Variants in SF3A3 observed in about 807,000 individuals in gnomAD.
The protein encoded by SF3A3 is SAP 61.
SF3A3 carries 9 observed loss-of-function variants against 85.8 expected under a neutral mutation model. The observed-to-expected ratio is 0.10, with a 90% CI of 0.06 to 0.18. The LOEUF (loss-of-function observed/expected upper bound fraction) is 0.18. SF3A3 is among the 10% of genes least tolerant of loss of function. The probability of loss-of-function intolerance (pLI) is 1.00; values close to 1 mark genes in which losing one functional copy is unlikely to be tolerated. For missense variants in SF3A3, 306 were observed against 593.3 expected (o/e 0.52, Z 5.03); for synonymous variants, 195 against 204.4 (o/e 0.95, Z 0.39).
At chr1:37,970,763 T>A (rs1236610607) in intron 12 of SF3A3, among the ~76,000 whole-genome samples, 2 of 152,072 alleles carry the variant, frequency 1.3e-5, no homozygotes, top group Admixed American at 1.3e-4. Flanking sequence ...GACTACTGGA[T>A]AAATAACGAA....
intron 12 of SF3A3, among the ~76,000 whole-genome samples, chr1:37,972,111 T>C (rs183391580): frequency 2.9e-3 from 444 of 152,308 alleles, no homozygotes; most frequent in Middle Eastern, 0.014. Flanking sequence ...GAAAACTCCA[T>C]TGTCTCAGCC....
chr1:37,960,025 G>T, intron 16 of SF3A3, 95 bp downstream of exon 16: 1 of 882,108 alleles, frequency 1.1e-6, no homozygotes. Context: ...CGCTGCTGCA[G>T]TACACCAGGG....
At chr1:37,968,006 T>G in intron 15 of SF3A3, 38 bp downstream of exon 15, 1 of 1,303,792 alleles carries the variant, frequency 7.7e-7, no homozygotes, top group Non-Finnish European at 1.1e-6. Context: ...TAGAGCCATT[T>G]GTACTCGCCT....
intron 15 of SF3A3, among the ~76,000 whole-genome samples, chr1:37,963,276 C>T (rs527259675): frequency 1.6e-4 from 25 of 152,192 alleles, no homozygotes; most frequent in Middle Eastern, 6.8e-3. Flanking sequence ...GATTGTACCA[C>T]TGCACTCCAG....
intron 6 of SF3A3, among the ~76,000 whole-genome samples, chr1:37,983,888 G>T (rs1488078056): frequency 6.6e-6 from 1 of 151,878 alleles, no homozygotes; most frequent in Non-Finnish European, 1.5e-5. Context: ...AGTGAGCAAA[G>T]ATCATACCAC....
chr1:37,972,835 A>G (rs1274114521), intron 12 of SF3A3, among the ~76,000 whole-genome samples: 1 of 152,222 alleles, frequency 6.6e-6, no homozygotes, highest in African/African-American at 2.4e-5. Context: ...GAAAGCTGAA[A>G]CTGGATTCCT....
chr1:37,965,696 G>A (rs1450477728), intron 15 of SF3A3, among the ~76,000 whole-genome samples: 1 of 152,056 alleles, frequency 6.6e-6, no homozygotes, highest in Admixed American at 6.6e-5. Context: ...AGAGATTGCA[G>A]TGAGCTGTGA....
At chr1:37,989,674 C>A in intron 1 of SF3A3, 79 bp from the exon 2 acceptor site, 1 of 1,537,610 alleles carries the variant, frequency 6.5e-7, no homozygotes, top group East Asian at 2.3e-5. Context: ...CGGAGCTTAC[C>A]CGCTCAGCTT....
rs1356088412 is a variant in SF3A3, at chr1:37,980,628, C to T, written c.648G>A (p.Glu216=). ...TCCCATTCTCCCATTTCTTCTCAAA[C>T]TCAGCCTGAATCTTCCCAAAAAGTT... ...QNELFGKIQA[E]FEKKWENGTF... is the part of the protein sequence containing the mutation. Residue 216 remains glutamate (E), a synonymous_variant, in exon 8 of 17, where the codon GAG becomes GAA. Transcript: ENST00000373019. 1 of 1,614,110 alleles carries T rather than the reference C, an allele frequency of 6.2e-7. No individual in the cohort carries two copies. Among genetic ancestry groups the T allele is most frequent in the Non-Finnish European group, 8.5e-7 (1 of 1,180,010 alleles).
intron 12 of SF3A3, among the ~76,000 whole-genome samples, chr1:37,972,674 G>A (rs1429801738): frequency 1.3e-5 from 2 of 152,144 alleles, no homozygotes; most frequent in Admixed American, 1.3e-4. Context: ...TCAAAACAGA[G>A]ATATAGACCA....
chr1:37,959,535 A>G lies in SF3A3; in HGVS notation c.1428+585T>C, dbSNP rs115914337. On this transcript the variant is annotated intron_variant, in intron 16 of 16. Transcript: ENST00000373019. Reference sequence around the variant, plus strand: ...AAGCGTTCCTCCTGCCTCAGTCCCAATTAGCTGGGACTACTAGCATGCGCC... The same window carrying G: ...AAGCGTTCCTCCTGCCTCAGTCCCAGTTAGCTGGGACTACTAGCATGCGCC... Among the ~76,000 whole-genome samples, 899 of 152,184 alleles carry G rather than the reference A, an allele frequency of 5.9e-3. 7 individuals are homozygous for G. Among genetic ancestry groups the G allele is most frequent in the African/African-American group, 0.02 (820 of 41,520 alleles).
intron 15 of SF3A3, among the ~76,000 whole-genome samples, chr1:37,967,608 G>A (rs1270781429): frequency 6.9e-6 from 1 of 145,072 alleles, no homozygotes; most frequent in Non-Finnish European, 1.5e-5. Context: ...AACCCAGGAG[G>A]TGGAACTTGC....
At chr1:37,971,399 C>T (rs954988985) in intron 12 of SF3A3, among the ~76,000 whole-genome samples, 5 of 151,980 alleles carry the variant, frequency 3.3e-5, no homozygotes, top group Non-Finnish European at 7.4e-5. Context: ...CAGGACCAGA[C>T]GGATTCACAG....
chr1:37,967,048 G>C (rs544605225), intron 15 of SF3A3, among the ~76,000 whole-genome samples: 1 of 127,488 alleles, frequency 7.8e-6, no homozygotes, highest in Admixed American at 8.4e-5. Context: ...TCAGGAGTTC[G>C]TCACCTCAAC....
At position 37,978,936 on chromosome 1, in the gene SF3A3, CTG is replaced by C. The variant is rs1339934798; in HGVS notation, c.827+50_827+51del. 4 of 1,567,396 alleles carry C rather than the reference CTG, an allele frequency of 2.6e-6. No individual in the cohort carries two copies. In the African/African-American group the frequency reaches 4.1e-5, roughly 16 times the overall value. ...AATGGAATCAGAGCTACTTAGAAGA[CTG>C]TGCAAACACACAGTAAATCGATAGT... is the stretch of plus-strand genomic sequence containing the variant. On this transcript the variant is annotated intron_variant, in intron 10 of 16. Transcript: ENST00000373019.
intron 12 of SF3A3, among the ~76,000 whole-genome samples, chr1:37,974,190 C>G (rs771291847): frequency 6.6e-5 from 10 of 151,732 alleles, no homozygotes; most frequent in Non-Finnish European, 7.4e-5. Flanking sequence ...TGTAACAAAC[C>G]TACACGTTGT....
intron 15 of SF3A3, among the ~76,000 whole-genome samples, chr1:37,962,603 C>CAAAAA (rs10562404): frequency 1.1e-4 from 9 of 80,252 alleles, no homozygotes; most frequent in Non-Finnish European, 2.0e-4. Flanking sequence ...AACTCCATCT[C>CAAAAA]AAAAAAAAAA....
chr1:37,977,451 C>T (rs768836214), intron 11 of SF3A3, among the ~76,000 whole-genome samples: 2 of 152,068 alleles, frequency 1.3e-5, no homozygotes, highest in Non-Finnish European at 2.9e-5. Context: ...GCCTGTAATC[C>T]CAGCATTTTG....
intron 9 of SF3A3, 80 bp from the exon 10 acceptor site, chr1:37,979,135 T>C: frequency 2.6e-6 from 3 of 1,133,856 alleles, no homozygotes; most frequent in African/African-American, 1.5e-5. Context: ...AGGGTGGGTG[T>C]TCCTGAGGCT....
Sources: gnomAD v4.1 joint callset for allele counts (sites outside exome capture counted in the v4.1 genomes callset) on GRCh38, gnomAD v4.1.1 for gene constraint, MANE v1.5 for transcripts, NCBI Gene and HGNC (gene_info 2026-07-23, HGNC 2026-07-21) for gene names.